Variants in SLC2A12 observed in about 807,000 individuals in gnomAD.
SLC2A12 encodes solute carrier family 2 member 12, also known as solute carrier family 2, facilitated glucose transporter member 12.
A neutral mutation model predicts 41.8 loss-of-function variants in SLC2A12; 23 were observed. The observed-to-expected ratio is 0.55, with a 90% confidence interval of 0.40 to 0.78. The LOEUF (loss-of-function observed/expected upper bound fraction) is 0.78. SLC2A12 is among the 30% of genes least tolerant of loss of function. The pLI, the probability that SLC2A12 is intolerant of heterozygous loss-of-function variation, is 0.00. For synonymous variants in SLC2A12, 295 were observed against 285.9 expected (o/e 1.03, Z -0.32); for missense variants, 654 against 745.6 (o/e 0.88, Z 1.43).
At chr6:134,046,123 G>GT (rs1474660605) in intron 1 of SLC2A12, among the ~76,000 whole-genome samples, 3 of 152,252 alleles carry the variant, frequency 2.0e-5, no homozygotes, top group Non-Finnish European at 4.4e-5. Context: ...AGCTGTCATG[G>GT]TTTTTTAATT....
chr6:134,023,966 A>C (rs1025552355), intron 2 of SLC2A12, among the ~76,000 whole-genome samples: 1 of 152,230 alleles, frequency 6.6e-6, no homozygotes, highest in Admixed American at 6.5e-5. Context: ...GTTGGAAAGA[A>C]GAGAAATTTG....
At chr6:134,000,128 C>A (rs1426024144) in intron 4 of SLC2A12, among the ~76,000 whole-genome samples, 1 of 152,154 alleles carries the variant, frequency 6.6e-6, no homozygotes, top group East Asian at 1.9e-4. Context: ...CAGCCTTCCT[C>A]ACAATTTTAT....
intron 3 of SLC2A12, among the ~76,000 whole-genome samples, chr6:134,004,662 G>T (rs986593890): frequency 6.6e-6 from 1 of 152,112 alleles, no homozygotes; most frequent in Non-Finnish European, 1.5e-5. Context: ...CCGACTCATT[G>T]GTCAGTTTTC....
At chr6:134,001,922 AT>A in intron 4 of SLC2A12, 74 bp downstream of exon 4, 1 of 1,466,314 alleles carries the variant, frequency 6.8e-7, no homozygotes, top group Admixed American at 2.2e-5. Flanking sequence ...TTCAGATATT[AT>A]TCCTTTGCTG....
In SLC2A12 at chr6:134,028,417, C is replaced by T. The variant is rs372770684; in HGVS notation, c.1408G>A (p.Val470Ile). ...CCAATTGAAAAAGCAGCAACATAAA[C>T]AAGCAAGCTGGCTAAGGACAGCCAT... ...LKWLSLASLL[V>I]YVAAFSIGLG... The change falls in exon 2 of 5, where the codon GTT becomes ATT. Residue 470 changes from valine to isoleucine, a missense_variant. By Grantham distance (29) the Val-to-Ile change is conservative. Transcript: ENST00000275230. 4.8e-5 allele frequency: 77 copies of T among 1,613,458 alleles called. No individual in the cohort carries two copies. Among genetic ancestry groups the T allele is most frequent in the Non-Finnish European group, 6.3e-5 (74 of 1,179,766 alleles).
In SLC2A12 at chr6:134,011,447, C is replaced by A. The variant is rs1416686580; in HGVS notation, c.1445-4513G>T. The stretch of plus-strand genomic sequence containing the variant: ...GACCAGCCTGGGCAATGTAGTGAAA[C>A]CCCGTCTCTATAAAAAAATACAAAA... On this transcript the variant is annotated intron_variant, in intron 2 of 4. Coordinates refer to ENST00000275230, the MANE Select transcript of SLC2A12 (RefSeq NM_145176.3). Among the ~76,000 whole-genome samples, 3 of 151,698 alleles carry A rather than the reference C, an allele frequency of 2.0e-5. No individual in the cohort carries two copies. The East Asian group carries it at 5.9e-4, about 30-fold the overall frequency.
chr6:133,995,359 G>T (rs560881888), intron 4 of SLC2A12, among the ~76,000 whole-genome samples: 3 of 151,714 alleles, frequency 2.0e-5, no homozygotes, highest in Non-Finnish European at 2.9e-5. Context: ...GGTGAAGGGG[G>T]CTCTCATAGG....
Position 134,022,915 on chromosome 6 carries a change from G to GT in SLC2A12, c.1444+5465dup, listed in dbSNP as rs571835640. 4.2e-4 allele frequency among the ~76,000 whole-genome samples: 64 copies of GT among 152,316 alleles called. 2 individuals carry two copies. In the South Asian group the frequency reaches 0.013, roughly 31 times the overall value. On this transcript the variant is annotated intron_variant, in intron 2 of 4. Coordinates refer to ENST00000275230, the MANE Select transcript of SLC2A12 (RefSeq NM_145176.3). The stretch of plus-strand genomic sequence containing the variant: ...AAGACGGCAGTATTCCAAATAATCT[G>GT]TTTACACAAGGACACTTGCCTAGTT...
At chr6:134,022,533 AAAAAGAAAAGAAAAG>A (rs10689126) in intron 2 of SLC2A12, among the ~76,000 whole-genome samples, 10,680 of 142,100 alleles carry the variant, frequency 0.075, 477 homozygotes, top group East Asian at 0.1. Context: ...CTCCATCTCA[AAAAAGAAAAGAAAAG>A]AAAAGAAAAG....
chr6:134,037,379 C>T (rs9376005), intron 1 of SLC2A12, among the ~76,000 whole-genome samples: 28,996 of 143,190 alleles, frequency 0.2, 7,393 homozygotes, highest in African/African-American at 0.6. Context: ...TTTTTTTTTT[C>T]AGACGGAGTC....
intron 2 of SLC2A12, among the ~76,000 whole-genome samples, chr6:134,019,503 G>A (rs956737482): frequency 3.3e-5 from 5 of 152,228 alleles, no homozygotes; most frequent in African/African-American, 9.6e-5. Flanking sequence ...AAACAGTGGG[G>A]AGTCGAGGTA....
chr6:134,045,494 CT>C (rs1777445390), intron 1 of SLC2A12, among the ~76,000 whole-genome samples: 1 of 152,176 alleles, frequency 6.6e-6, no homozygotes, highest in African/African-American at 2.4e-5. Flanking sequence ...ACCGGCTAGA[CT>C]TTGATAAGTC....
rs148829131 is a variant in SLC2A12 at position 134,036,879 on chromosome 6, A to G, written c.104-7158T>C. On this transcript the variant is annotated intron_variant, in intron 1 of 4. Coordinates refer to ENST00000275230, the MANE Select transcript of SLC2A12 (RefSeq NM_145176.3). The stretch of plus-strand genomic sequence containing the variant: ...GACCATAAAGTGTTTTATTGTCACA[A>G]CTATATTTATATTTTATTAAACTTC... 3.2e-4 allele frequency among the ~76,000 whole-genome samples: 49 copies of G among 152,328 alleles called. No homozygotes were observed. The Middle Eastern group carries it at 0.01, about 32-fold the overall frequency.
intron 1 of SLC2A12, among the ~76,000 whole-genome samples, chr6:134,031,970 G>A (rs780566907): frequency 6.6e-6 from 1 of 152,164 alleles, no homozygotes; most frequent in South Asian, 2.1e-4. Flanking sequence ...AAAGGAGATG[G>A]AGAAGAATCA....
chr6:134,009,516 C>T (rs1437007529), intron 2 of SLC2A12, among the ~76,000 whole-genome samples: 2 of 152,200 alleles, frequency 1.3e-5, no homozygotes, highest in African/African-American at 4.8e-5. Flanking sequence ...GATGGCTCAA[C>T]CTCCCAATGT....
chr6:134,017,706 T>C (rs1776980624), intron 2 of SLC2A12, among the ~76,000 whole-genome samples: 1 of 151,700 alleles, frequency 6.6e-6, no homozygotes, highest in South Asian at 2.1e-4. Flanking sequence ...CAAAAAAAAT[T>C]AGCCAGGCGT....
chr6:134,030,408 C>T (rs1370294019), intron 1 of SLC2A12, among the ~76,000 whole-genome samples: 3 of 151,998 alleles, frequency 2.0e-5, no homozygotes, highest in Non-Finnish European at 4.4e-5. Context: ...CAGCAATATC[C>T]CTTACTCATT....
At chr6:134,018,541 C>T (rs1055072172) in intron 2 of SLC2A12, among the ~76,000 whole-genome samples, 1 of 152,160 alleles carries the variant, frequency 6.6e-6, no homozygotes, top group African/African-American at 2.4e-5. Context: ...TGCTTCAAGA[C>T]CCCCTCCTCC....
At chr6:133,993,399 C>T (rs1435623891) in intron 4 of SLC2A12, among the ~76,000 whole-genome samples, 1 of 152,224 alleles carries the variant, frequency 6.6e-6, no homozygotes, top group Non-Finnish European at 1.5e-5. Flanking sequence ...CTCTCTCAGG[C>T]TTCTGCATCT....
Sources: allele counts gnomAD v4.1 joint callset (sites outside exome capture counted in the v4.1 genomes callset), GRCh38; gene constraint gnomAD v4.1.1; transcripts MANE v1.5; gene names NCBI Gene and HGNC (gene_info 2026-07-23, HGNC 2026-07-21).